ATRNL1: variants seen among roughly 807,000 people sequenced by gnomAD.
ATRNL1 encodes the protein attractin-like protein 1.
ATRNL1 carries 95 observed loss-of-function variants against 182.7 expected under a neutral mutation model. That is an observed-to-expected ratio of 0.52 (90% confidence interval 0.44 to 0.62). The LOEUF (loss-of-function observed/expected upper bound fraction) is 0.62, where lower values mean the gene tolerates loss of function less well. Among genes scored for constraint, ATRNL1 ranks in the 20% least tolerant of loss-of-function variants. The pLI is 0.00. For missense variants in ATRNL1, 1,471 were observed against 1,679.5 expected (o/e 0.88, Z 2.17); for synonymous variants, 576 against 568.3 (o/e 1.01, Z -0.19).
intron 8 of ATRNL1, among the ~76,000 whole-genome samples, chr10:115,197,263 C>G (rs1848397884): frequency 6.6e-6 from 1 of 151,806 alleles, no homozygotes; most frequent in African/African-American, 2.4e-5. Flanking sequence ...TCATATATTG[C>G]TGAATTTCAT....
At chr10:115,731,215 G>T (rs927186392) in intron 27 of ATRNL1, among the ~76,000 whole-genome samples, 8 of 152,156 alleles carry the variant, frequency 5.3e-5, no homozygotes, top group Non-Finnish European at 1.0e-4. Flanking sequence ...CCAGCCTTAG[G>T]CTGGCACTTG....
chr10:115,732,210 T>A lies in ATRNL1; in HGVS notation c.3903+4855T>A, dbSNP rs115203412. Among the ~76,000 whole-genome samples, 1,038 of 152,316 alleles carry A rather than the reference T, an allele frequency of 6.8e-3. 13 individuals carry two copies. Among genetic ancestry groups the A allele is most frequent in the African/African-American group, 0.024 (978 of 41,576 alleles). ...TGGAATTGCTGGATTATATCGTAAC[T>A]TTTTACCGCTTGTTGAAAAGTACTT... is the stretch of plus-strand genomic sequence containing the variant. On this transcript the variant is annotated intron_variant, in intron 27 of 28. Coordinates refer to ENST00000355044, the MANE Select transcript of ATRNL1 (RefSeq NM_207303.4).
At chr10:115,632,198 G>A (rs1858556256) in intron 26 of ATRNL1, among the ~76,000 whole-genome samples, 1 of 152,126 alleles carries the variant, frequency 6.6e-6, no homozygotes, top group Non-Finnish European at 1.5e-5. Flanking sequence ...CTAGGTGGAA[G>A]CAAGGAGACC....
chr10:115,290,653 G>GC (rs1183630146), intron 15 of ATRNL1, among the ~76,000 whole-genome samples: 1 of 151,994 alleles, frequency 6.6e-6, no homozygotes, highest in Non-Finnish European at 1.5e-5. Context: ...TGAAACTGCA[G>GC]CCCCCCACCC....
At chr10:115,390,122 G>A (rs1564990944) in intron 19 of ATRNL1, among the ~76,000 whole-genome samples, 1 of 152,136 alleles carries the variant, frequency 6.6e-6, no homozygotes, top group Non-Finnish European at 1.5e-5. Flanking sequence ...TATGGGTTGT[G>A]AATATTTTCT....
intron 27 of ATRNL1, among the ~76,000 whole-genome samples, chr10:115,812,539 C>T (rs782452020): frequency 3.9e-5 from 6 of 152,124 alleles, no homozygotes; most frequent in East Asian, 3.9e-4. Context: ...TGCAATGGCA[C>T]GATCTCGGCT....
chr10:115,566,433 G>C (rs1287338413), intron 26 of ATRNL1, among the ~76,000 whole-genome samples: 2 of 152,082 alleles, frequency 1.3e-5, no homozygotes, highest in African/African-American at 4.8e-5. Flanking sequence ...TAGATAATTA[G>C]TAATTTACAT....
Position 115,423,579 on chromosome 10 carries a change from A to G in ATRNL1, c.3270-2671A>G, listed in dbSNP as rs181311244. Among the ~76,000 whole-genome samples the G allele has an allele frequency of 3.5e-3, 531 of 152,290 alleles. 3 individuals are homozygous for G. Among genetic ancestry groups the G allele is most frequent in the Non-Finnish European group, 5.3e-3 (358 of 68,010 alleles). On this transcript the variant is annotated intron_variant, in intron 20 of 28. Transcript: ENST00000355044. ...AAACAAACAAGTTAAAAATTTAAAAAGACACACAAACTAATGAAACAGAAT... is the reference window on the plus strand; with the variant it reads ...AAACAAACAAGTTAAAAATTTAAAAGGACACACAAACTAATGAAACAGAAT...
chr10:115,589,334 C>T (rs181694361), intron 26 of ATRNL1, among the ~76,000 whole-genome samples: 38 of 152,200 alleles, frequency 2.5e-4, no homozygotes, highest in African/African-American at 8.9e-4. Flanking sequence ...GATCAATAAT[C>T]TTGGTCAAAA....
At chr10:115,892,549 T>C (rs943708220) in intron 28 of ATRNL1, among the ~76,000 whole-genome samples, 27 of 152,320 alleles carry the variant, frequency 1.8e-4, no homozygotes, top group African/African-American at 6.5e-4. Context: ...ATGATACATA[T>C]CTTGTAAGAC....
At chr10:115,531,950 A>G (rs1428589884) in intron 25 of ATRNL1, among the ~76,000 whole-genome samples, 196 of 147,742 alleles carry the variant, frequency 1.3e-3, no homozygotes, top group African/African-American at 4.3e-3. Context: ...GATATGCGGC[A>G]TTATTTCTGA....
At chr10:115,930,062 C>T (rs1452552784) in intron 28 of ATRNL1, among the ~76,000 whole-genome samples, 3 of 152,096 alleles carry the variant, frequency 2.0e-5, no homozygotes, top group Non-Finnish European at 4.4e-5. Flanking sequence ...TTCCTCTGAA[C>T]TTGAACTCTG....
chr10:115,584,078 G>A (rs1365462751), intron 26 of ATRNL1, among the ~76,000 whole-genome samples: 5 of 151,918 alleles, frequency 3.3e-5, no homozygotes, highest in Non-Finnish European at 1.5e-5. Flanking sequence ...TATTCAACCA[G>A]CCTTGCATCC....
Position 115,301,953 on chromosome 10 carries a change from A to G in ATRNL1, c.2728A>G (p.Ser910Gly). ...TSNGMECMWC[S>G]STKRCVDSNA... is the part of the protein sequence containing the mutation. ...CAATGGCATGGAGTGTATGTGGTGC[A>G]GCAGTACGAAACGATGTGTTGACTC... The change falls in exon 17 of 29, where the codon AGC (serine) becomes GGC (glycine). Residue 910 changes from serine (S) to glycine (G), a missense_variant. By Grantham distance (56) the Ser-to-Gly change is moderately conservative. Transcript: ENST00000355044. 1.9e-6 allele frequency: 3 copies of G among 1,614,140 alleles called. No individual in the cohort carries two copies. The highest frequency in any genetic ancestry group is 2.5e-6 in the Non-Finnish European group (3 of 1,179,978).
At chr10:115,858,988 G>T (rs1292848282) in intron 28 of ATRNL1, among the ~76,000 whole-genome samples, 1 of 151,850 alleles carries the variant, frequency 6.6e-6, no homozygotes, top group African/African-American at 2.4e-5. Context: ...TGGACAATTT[G>T]GTGTCTGGTA....
chr10:115,774,173 G>A (rs1158254165), intron 27 of ATRNL1, among the ~76,000 whole-genome samples: 2 of 152,008 alleles, frequency 1.3e-5, no homozygotes, highest in African/African-American at 4.8e-5. Flanking sequence ...AACACTAAAA[G>A]TAGATTCACT....
chr10:115,276,563 A>G lies in ATRNL1; in HGVS notation c.2101-4792A>G, dbSNP rs143198075. Among the ~76,000 whole-genome samples, 19 of 152,318 alleles carry G rather than the reference A, an allele frequency of 1.2e-4. No homozygotes were observed. In the East Asian group the frequency reaches 3.5e-3, roughly 28 times the overall value. ...GTGTCCTTTAGACAGTTTTATCAGAATGTCTTGTGATTAAGCTAAACCAAA... is the reference window on the plus strand; with the variant it reads ...GTGTCCTTTAGACAGTTTTATCAGAGTGTCTTGTGATTAAGCTAAACCAAA... On this transcript the variant is annotated intron_variant, in intron 13 of 28. Coordinates refer to ENST00000355044, the MANE Select transcript of ATRNL1 (RefSeq NM_207303.4).
intron 5 of ATRNL1, among the ~76,000 whole-genome samples, chr10:115,144,559 C>T (rs903667593): frequency 6.6e-6 from 1 of 152,134 alleles, no homozygotes; most frequent in African/African-American, 2.4e-5. Context: ...GCCCAAAATG[C>T]TGGGATTACA....
chr10:115,930,872 C>A (rs2134591927), intron 28 of ATRNL1, among the ~76,000 whole-genome samples: 1 of 152,268 alleles, frequency 6.6e-6, no homozygotes, highest in Admixed American at 6.5e-5. Context: ...ATTTTTACTT[C>A]TCCATCTTCT....
Sources: allele counts gnomAD v4.1 joint callset (sites outside exome capture counted in the v4.1 genomes callset), GRCh38; gene constraint gnomAD v4.1.1; transcripts MANE v1.5; gene names NCBI Gene and HGNC (gene_info 2026-07-23, HGNC 2026-07-21).